The following ITGA1 variants were observed in gnomAD, a reference collection of about 807,000 sequenced individuals.
ITGA1 encodes the protein integrin alpha-1.
ITGA1 carries 85 observed loss-of-function variants against 145.9 expected under a neutral mutation model. That is an observed-to-expected ratio of 0.58 (90% CI 0.49 to 0.70). The LOEUF is 0.70. Among genes scored for constraint, ITGA1 ranks in the 30% least tolerant of loss-of-function variants. The probability of loss-of-function intolerance (pLI) is 0.00; values close to 1 mark genes in which losing one functional copy is unlikely to be tolerated. For synonymous variants in ITGA1, 520 were observed against 495.3 expected (o/e 1.05, Z -0.66); for missense variants, 1,351 against 1,418.7 (o/e 0.95, Z 0.77).
chr5:52,905,963 A>G (rs928772316), intron 12 of ITGA1, 55 bp downstream of exon 12: 3 of 1,483,244 alleles, frequency 2.0e-6, no homozygotes, highest in Non-Finnish European at 2.8e-6. Context: ...CTCTATGTAT[A>G]TTTACTGTCT....
chr5:52,934,467 G>A (rs57847007), intron 23 of ITGA1, among the ~76,000 whole-genome samples: 38,733 of 151,622 alleles, frequency 0.26, 5,451 homozygotes, highest in African/African-American at 0.36. Context: ...TAACAAATAA[G>A]TATGTATCAC....
chr5:52,912,376 G>A (rs1015876514), intron 14 of ITGA1, among the ~76,000 whole-genome samples: 14 of 143,468 alleles, frequency 9.8e-5, no homozygotes, highest in African/African-American at 3.6e-4. Context: ...TCCAGTATAT[G>A]TATTATATAT....
At chr5:52,886,052 G>C (rs1468468902) in intron 7 of ITGA1, among the ~76,000 whole-genome samples, 2 of 152,168 alleles carry the variant, frequency 1.3e-5, no homozygotes, top group Non-Finnish European at 2.9e-5. Context: ...CCAAGGATGA[G>C]GGATTTCCAC....
intron 1 of ITGA1, among the ~76,000 whole-genome samples, chr5:52,807,023 C>T (rs1180429078): frequency 1.3e-5 from 2 of 152,088 alleles, no homozygotes; most frequent in African/African-American, 4.8e-5. Context: ...TTTTAAATTT[C>T]CTTTCTTTAT....
At chr5:52,855,146 G>A (rs890465435) in intron 2 of ITGA1, among the ~76,000 whole-genome samples, 2 of 152,170 alleles carry the variant, frequency 1.3e-5, no homozygotes, top group African/African-American at 2.4e-5. Flanking sequence ...CTGAGACAGA[G>A]AATGAATGTC....
intron 14 of ITGA1, among the ~76,000 whole-genome samples, chr5:52,913,066 A>T (rs1436866437): frequency 6.6e-6 from 1 of 151,898 alleles, no homozygotes; most frequent in Non-Finnish European, 1.5e-5. Context: ...TATATTTTAT[A>T]CATTTATCTA....
chr5:52,883,413 G>A (rs1025592415), intron 7 of ITGA1, among the ~76,000 whole-genome samples: 2 of 152,142 alleles, frequency 1.3e-5, no homozygotes, highest in African/African-American at 4.8e-5. Context: ...GTTTCACAAA[G>A]GGTATAGCTG....
intron 1 of ITGA1, chr5:52,804,057 T>C (rs918826931): frequency 2.0e-5 from 3 of 152,196 alleles, no homozygotes; most frequent in Admixed American, 2.0e-4. Flanking sequence ...TTTTCTGTTA[T>C]CAAGAATACA....
chr5:52,950,154 G>A (rs776926359), intron 28 of ITGA1, among the ~76,000 whole-genome samples: 1 of 152,168 alleles, frequency 6.6e-6, no homozygotes, highest in Non-Finnish European at 1.5e-5. Flanking sequence ...TTAAATAGGT[G>A]GAGAAACTTG....
chr5:52,882,004 T>C lies in ITGA1; in HGVS notation c.756T>C (p.Leu252=). ...GTGGCCGCCAGACTATGACAGCTCT[T>C]GGAATAGACACAGCAAGGTATATGG... ...QRGGRQTMTA[L]GIDTARKEAF... is the part of the protein sequence containing the mutation. The change falls in exon 7 of 29, where the codon CTT becomes CTC. Residue 252 remains leucine (L), a synonymous_variant. Transcript: ENST00000282588. 1.9e-6 allele frequency: 3 copies of C among 1,611,636 alleles called. No homozygotes were observed. The highest frequency in any genetic ancestry group is 2.2e-5 in the South Asian group (2 of 90,732).
chr5:52,947,383 A>T lies in ITGA1; in HGVS notation c.3417A>T (p.Arg1139Ser), dbSNP rs769950297. Residue 1139 changes from arginine to serine, a missense_variant, in exon 28 of 29, where the codon AGA becomes AGT. Arg to Ser is a moderately radical substitution (Grantham distance 110). Coordinates refer to ENST00000282588, the MANE Select transcript of ITGA1 (RefSeq NM_181501.2). ...TATCCAAAGATGGGCTACCGGGCAG[A>T]GTGCCATTATGGGTCATCCTGCTGA... is the stretch of plus-strand genomic sequence containing the variant. ...IQISKDGLPGRVPLWVILLSA... is the reference protein window; with the variant it reads ...IQISKDGLPGSVPLWVILLSA... 4 of 1,613,518 alleles carry T rather than the reference A, an allele frequency of 2.5e-6. No individual in the cohort carries two copies. In the Admixed American group the frequency reaches 6.7e-5, roughly 27 times the overall value.
intron 1 of ITGA1, chr5:52,801,055 C>G (rs1499280): frequency 1.9e-6 from 3 of 1,613,666 alleles, no homozygotes; most frequent in Admixed American, 1.7e-5. Context: ...CTGCGACTAC[C>G]TGTTTCAACA....
At chr5:52,860,030 C>T (rs1324848252) in intron 2 of ITGA1, among the ~76,000 whole-genome samples, 1 of 152,182 alleles carries the variant, frequency 6.6e-6, no homozygotes, top group East Asian at 1.9e-4. Flanking sequence ...CTCCCACATC[C>T]TGCACTGATA....
At chr5:52,900,314 A>G (rs1750294617) in intron 11 of ITGA1, among the ~76,000 whole-genome samples, 1 of 152,164 alleles carries the variant, frequency 6.6e-6, no homozygotes, top group Non-Finnish European at 1.5e-5. Flanking sequence ...TATATAATGG[A>G]TGACATATAA....
intron 18 of ITGA1, 121 bp downstream of exon 18, chr5:52,923,008 AG>A (rs1198021329): frequency 1.6e-6 from 1 of 620,282 alleles, no homozygotes. Context: ...ACTGGAAGAA[AG>A]AAAAAAAAGG....
chr5:52,909,125 C>A, intron 13 of ITGA1, 84 bp downstream of exon 13: 1 of 1,397,252 alleles, frequency 7.2e-7, no homozygotes, highest in Non-Finnish European at 9.7e-7. Context: ...ATTTTTCACT[C>A]ACTTTGAAAA....
intron 1 of ITGA1, among the ~76,000 whole-genome samples, chr5:52,828,262 C>A (rs1749001145): frequency 6.6e-6 from 1 of 152,184 alleles, no homozygotes; most frequent in Non-Finnish European, 1.5e-5. Context: ...ACTTTACATT[C>A]CCACCAACAA....
chr5:52,950,659 TCAACTTCTCTTAAAAACC>T (rs1478179257), intron 28 of ITGA1, among the ~76,000 whole-genome samples: 1 of 152,240 alleles, frequency 6.6e-6, no homozygotes, highest in African/African-American at 2.4e-5. Flanking sequence ...TCTTTGCCAC[TCAACTTCTCTTAAAAACC>T]CATGTTAATT....
chr5:52,880,003 T>A (rs185642889), intron 6 of ITGA1, among the ~76,000 whole-genome samples: 148 of 152,380 alleles, frequency 9.7e-4, no homozygotes, highest in African/African-American at 3.4e-3. Flanking sequence ...GTTTGTTTCA[T>A]CATATACTCT....
Sources: gnomAD v4.1 joint callset for allele counts (sites outside exome capture counted in the v4.1 genomes callset) on GRCh38, gnomAD v4.1.1 for gene constraint, MANE v1.5 for transcripts, NCBI Gene and HGNC (gene_info 2026-07-23, HGNC 2026-07-21) for gene names.